Variants in DNAH5 observed in about 807,000 individuals in gnomAD.
The protein encoded by DNAH5 is dynein axonemal heavy chain 5.
Under a neutral mutation model 518.2 loss-of-function variants are expected in DNAH5, and 372 were observed. That is an observed-to-expected ratio of 0.72 (90% CI 0.66 to 0.78). The LOEUF (loss-of-function observed/expected upper bound fraction) is 0.78. Among genes scored for constraint, DNAH5 ranks in the 30% least tolerant of loss-of-function variants. DNAH5 has a pLI of 0.00. For missense variants in DNAH5, 5,523 were observed against 5,687.0 expected, an observed-to-expected ratio of 0.97 and a Z score of 0.93; for synonymous variants, 2,039 against 2,025.9, an observed-to-expected ratio of 1.01 and a Z score of -0.17.
rs141993196 is a variant in DNAH5 at position 13,717,461 on chromosome 5, C to A, written c.12559G>T (p.Ala4187Ser). ...ACAGTGGAGTGCAGGAAAGCCACTG[C>A]GTACAGCATGGGCTTCCACTGGGAC... ...SGSQWKPMLY[A>S]VAFLHSTVQE... is the part of the protein sequence containing the mutation. The change falls in exon 73 of 79, where the codon GCA (alanine) becomes TCA (serine). Residue 4187 changes from alanine (A) to serine (S), a missense_variant. Physicochemically the swap from Ala to Ser is moderately conservative, Grantham distance 99. Transcript: ENST00000265104. 1.4e-5 allele frequency: 23 copies of A among 1,614,160 alleles called. No individual in the cohort carries two copies. Among genetic ancestry groups the A allele is most frequent in the Non-Finnish European group, 1.8e-5 (21 of 1,180,020 alleles).
Position 13,776,687 on chromosome 5 carries a change from C to T in DNAH5, c.9125G>A (p.Arg3042Gln), listed in dbSNP as rs200839716. ...SSGEVSNLFA[R>Q]DEIDEINSDL... is the part of the protein sequence containing the mutation. ...GCTATTAATTTCATCAATTTCATCT[C>T]GAGCAAATAGGTTAGAGACCTTAAA... Residue 3042 changes from arginine (R) to glutamine (Q), a missense_variant, in exon 55 of 79, where the codon CGA becomes CAA. Physicochemically the swap from Arg to Gln is conservative, Grantham distance 43. Transcript: ENST00000265104. 3.7e-6 allele frequency: 6 copies of T among 1,613,506 alleles called. No homozygotes were observed. The highest frequency in any genetic ancestry group is 1.7e-5 in the Admixed American group (1 of 59,946).
chr5:13,956,385 G>A (rs1454219970), intron 1 of DNAH5, among the ~76,000 whole-genome samples: 4 of 152,076 alleles, frequency 2.6e-5, no homozygotes, highest in African/African-American at 9.7e-5. Flanking sequence ...CATCTATACT[G>A]TGTATAGTCA....
chr5:13,989,195 T>G (rs1324875694), intron 1 of DNAH5, among the ~76,000 whole-genome samples: 1 of 152,090 alleles, frequency 6.6e-6, no homozygotes, highest in Non-Finnish European at 1.5e-5. Context: ...ATAACAACAG[T>G]GGGTGGAACT....
upstream of DNAH5, among the ~76,000 whole-genome samples, chr5:13,948,314 G>A (rs1780094075): frequency 6.6e-6 from 1 of 152,060 alleles, no homozygotes; most frequent in South Asian, 2.1e-4. Context: ...TGGGGGTGAT[G>A]TTTAAAAGAG....
intron 1 of DNAH5, among the ~76,000 whole-genome samples, chr5:13,962,296 G>C (rs536130256): frequency 2.0e-5 from 3 of 152,102 alleles, no homozygotes; most frequent in African/African-American, 7.2e-5. Flanking sequence ...ATGACATAAC[G>C]CAAGTTTTTC....
intron 30 of DNAH5, among the ~76,000 whole-genome samples, chr5:13,858,916 T>G (rs1011731358): frequency 1.3e-5 from 2 of 152,186 alleles, no homozygotes; most frequent in Non-Finnish European, 2.9e-5. Flanking sequence ...CAAAATATAC[T>G]CCATATATAC....
At chr5:13,984,758 A>G in intron 1 of DNAH5, among the ~76,000 whole-genome samples, 1 of 152,168 alleles carries the variant, frequency 6.6e-6, no homozygotes, top group East Asian at 1.9e-4. Context: ...AATTTTGTCG[A>G]AGGCCTTTTC....
chr5:13,820,963 G>C (rs890520647), intron 40 of DNAH5, among the ~76,000 whole-genome samples: 2 of 152,018 alleles, frequency 1.3e-5, no homozygotes, highest in African/African-American at 2.4e-5. Context: ...TGATAAAAAA[G>C]GTTCTGAAGA....
At chr5:13,718,299 A>G (rs1487714676) in intron 72 of DNAH5, among the ~76,000 whole-genome samples, 1 of 152,234 alleles carries the variant, frequency 6.6e-6, no homozygotes, top group Non-Finnish European at 1.5e-5. Context: ...GAACAAAGTA[A>G]TTGTCAACAG....
chr5:13,903,698 G>A (rs754978580), intron 12 of DNAH5, among the ~76,000 whole-genome samples: 5 of 151,998 alleles, frequency 3.3e-5, no homozygotes, highest in Non-Finnish European at 5.9e-5. Flanking sequence ...AAAAATCAGT[G>A]AATAAAGATC....
rs1317640215 is a variant in DNAH5 at position 13,911,606 on chromosome 5, TA to T, written c.1537-114del. 42 of 855,984 alleles carry T rather than the reference TA, an allele frequency of 4.9e-5. 1 individual carries two copies. In the South Asian group the frequency reaches 6.2e-4, roughly 13 times the overall value. The allele number at this position is 855,984 out of a possible 1,614,324, so 53.0% of individuals were successfully genotyped here. ...ATAATTGCCAGAAAAAAAATAAGTT[TA>T]AAGGAAGCCTTATTTTTTTACTCAC... On this transcript the variant is annotated intron_variant, in intron 11 of 78. Transcript: ENST00000265104.
At position 13,774,867 on chromosome 5, in the gene DNAH5, A is replaced by T. The variant is rs1005197494; in HGVS notation, c.9373+1572T>A. Among the ~76,000 whole-genome samples the T allele has an allele frequency of 3.3e-5, 5 of 152,306 alleles. 1 individual carries two copies. The highest frequency in any genetic ancestry group is 6.8e-3 in the Middle Eastern group (2 of 294). ...ACAAAAAGAGCTTCATATGTAAATC[A>T]TCTTAATTTGGCATATTATAGTATC... On this transcript the variant is annotated intron_variant, in intron 55 of 78. Transcript: ENST00000265104.
intron 1 of DNAH5, among the ~76,000 whole-genome samples, chr5:13,936,875 C>A (rs929108076): frequency 6.6e-6 from 1 of 152,144 alleles, no homozygotes; most frequent in African/African-American, 2.4e-5. Context: ...GAGGATGGGG[C>A]TATTGGGTCT....
rs527286602 is a variant in DNAH5, at chr5:13,780,309, A to G, written c.8951+520T>C. Among the ~76,000 whole-genome samples, 22 of 152,134 alleles carry G rather than the reference A, an allele frequency of 1.4e-4. No individual in the cohort carries two copies. In the South Asian group the frequency reaches 4.4e-3, roughly 30 times the overall value. On this transcript the variant is annotated intron_variant, in intron 53 of 78. Transcript: ENST00000265104. ...ATCATAGGTGGTGCCTATGAATCAC[A>G]CCTTACTGGGTGAGTTGGGTTGCTT...
chr5:13,957,014 CA>C (rs1294536724), intron 1 of DNAH5, among the ~76,000 whole-genome samples: 7 of 152,176 alleles, frequency 4.6e-5, no homozygotes, highest in Non-Finnish European at 8.8e-5. Flanking sequence ...CCTCAATCAA[CA>C]GACAGGTTTA....
chr5:13,957,593 T>C (rs1319276597), intron 1 of DNAH5, among the ~76,000 whole-genome samples: 1 of 151,754 alleles, frequency 6.6e-6, no homozygotes, highest in Non-Finnish European at 1.5e-5. Context: ...TAATAAAATA[T>C]ATCTTACTGT....
At chr5:13,940,795 T>A (rs1276016855) in intron 1 of DNAH5, among the ~76,000 whole-genome samples, 1 of 152,140 alleles carries the variant, frequency 6.6e-6, no homozygotes. Flanking sequence ...AACTCTAACT[T>A]CTCCTTTTCT....
At chr5:13,888,058 A>G (rs1772673979) in intron 17 of DNAH5, among the ~76,000 whole-genome samples, 1 of 152,218 alleles carries the variant, frequency 6.6e-6, no homozygotes, top group Non-Finnish European at 1.5e-5. Context: ...GCACAAAGCA[A>G]ATGGAGGTCA....
intron 1 of DNAH5, among the ~76,000 whole-genome samples, chr5:14,005,500 G>A (rs1164832752): frequency 6.6e-6 from 1 of 152,194 alleles, no homozygotes; most frequent in African/African-American, 2.4e-5. Context: ...TGCTGTGCCT[G>A]TGGCCAGGAA....
Sources: gnomAD v4.1 joint callset for allele counts (sites outside exome capture counted in the v4.1 genomes callset) on GRCh38, gnomAD v4.1.1 for gene constraint, MANE v1.5 for transcripts, NCBI Gene and HGNC (gene_info 2026-07-23, HGNC 2026-07-21) for gene names.